The following MAPDA variants were observed in gnomAD, a reference collection of about 807,000 sequenced individuals.
The protein encoded by MAPDA is N6,N6-dimethyl-AMP deaminase.
At chr15:43,343,995 T>A in the MAPDA span, among the ~76,000 whole-genome samples, 1 of 151,966 alleles carries the variant, frequency 6.6e-6, no homozygotes, top group East Asian at 1.9e-4. Context: ...ATTACAATAC[T>A]GTTTCAGTAG....
chr15:43,349,172 G>A, the MAPDA span: 4 of 1,490,270 alleles, frequency 2.7e-6, no homozygotes, highest in East Asian at 2.4e-5. Flanking sequence ...AAAAGATGGA[G>A]TGTGTGCTTT....
the MAPDA span, among the ~76,000 whole-genome samples, chr15:43,336,217 T>A: frequency 1.2e-4 from 18 of 152,204 alleles, no homozygotes; most frequent in African/African-American, 1.9e-4. Flanking sequence ...AATGTTTTTT[T>A]AATTTTTTTA....
chr15:43,341,598 G>A, the MAPDA span, among the ~76,000 whole-genome samples: 1 of 151,982 alleles, frequency 6.6e-6, no homozygotes, highest in Admixed American at 6.5e-5. Flanking sequence ...CAGCGCTTTG[G>A]GAGGCTGAGG....
the MAPDA span, among the ~76,000 whole-genome samples, chr15:43,349,958 G>A: frequency 6.6e-6 from 1 of 152,186 alleles, no homozygotes; most frequent in Non-Finnish European, 1.5e-5. Context: ...CTGTGTTGAG[G>A]CTGCCTTACT....
chr15:43,345,797 A>G, the MAPDA span: 1 of 1,601,260 alleles, frequency 6.2e-7, no homozygotes, highest in Non-Finnish European at 8.6e-7. Context: ...TGTACTCAGA[A>G]TTGTCTTTTT....
chr15:43,337,275 CA>C, the MAPDA span, among the ~76,000 whole-genome samples: 729 of 61,932 alleles, frequency 0.012, 5 homozygotes, highest in African/African-American at 0.033. Context: ...GACTCCGTCT[CA>C]AAAAAAAAAA....
the MAPDA span, chr15:43,353,048 T>C: frequency 0.45 from 68,366 of 151,728 alleles, 19,518 homozygotes; most frequent in African/African-American, 0.81. Context: ...AAAACAGCTT[T>C]TATTACATTT....
the MAPDA span, chr15:43,351,761 AG>A: frequency 6.5e-7 from 1 of 1,547,248 alleles, no homozygotes; most frequent in Non-Finnish European, 8.7e-7. Flanking sequence ...ACTGATGATA[AG>A]GGTGTTTTTG....
the MAPDA span, chr15:43,336,812 A>C: frequency 1.5e-6 from 1 of 646,620 alleles, no homozygotes; most frequent in African/African-American, 1.9e-5. Context: ...TATTATGGCA[A>C]CTCTTCAAAA....
chr15:43,342,850 T>C, the MAPDA span: 9 of 539,596 alleles, frequency 1.7e-5, no homozygotes, highest in Non-Finnish European at 2.9e-5. Flanking sequence ...AATATACCCA[T>C]AAGGGCCATG....
the MAPDA span, among the ~76,000 whole-genome samples, chr15:43,336,995 G>C: frequency 6.6e-6 from 1 of 151,976 alleles, no homozygotes; most frequent in African/African-American, 2.4e-5. Context: ...AGGGCTGGGC[G>C]TGGTGGCTCA....
the MAPDA span, chr15:43,342,858 AT>A: frequency 1.7e-6 from 1 of 579,164 alleles, no homozygotes; most frequent in South Asian, 2.6e-5. Context: ...CATAAGGGCC[AT>A]GTTTTCACTC....
At chr15:43,343,139 G>T in the MAPDA span, 1 of 1,161,580 alleles carries the variant, frequency 8.6e-7, no homozygotes, top group South Asian at 1.6e-5. Context: ...TTACTGTTTT[G>T]ATCATGGGTG....
At chr15:43,338,625 A>G in the MAPDA span, among the ~76,000 whole-genome samples, 2 of 152,214 alleles carry the variant, frequency 1.3e-5, no homozygotes, top group Non-Finnish European at 2.9e-5. Context: ...ATTGTGATGT[A>G]CTTTGTCTGG....
the MAPDA span, chr15:43,330,614 G>T: frequency 8.7e-7 from 1 of 1,154,472 alleles, no homozygotes; most frequent in Non-Finnish European, 1.2e-6. Flanking sequence ...CCCTTCCGCC[G>T]GCACTTGTGC....
At chr15:43,349,138 A>G in the MAPDA span, 6 of 1,573,684 alleles carry the variant, frequency 3.8e-6, no homozygotes, top group East Asian at 1.1e-4. Flanking sequence ...ACTGTTCTAA[A>G]AGTACGAATG....
At chr15:43,335,090 C>A in the MAPDA span, 1 of 1,612,888 alleles carries the variant, frequency 6.2e-7, no homozygotes, top group South Asian at 1.1e-5. Context: ...GGAGAAGAAT[C>A]ATTTTTTTCC....
the MAPDA span, chr15:43,345,847 A>C: frequency 8.1e-6 from 13 of 1,614,078 alleles, no homozygotes; most frequent in Non-Finnish European, 1.1e-5. Flanking sequence ...TCTTTCTTAC[A>C]TTAAAGGTAT....
At chr15:43,340,203 C>T in the MAPDA span, 17 of 1,402,792 alleles carry the variant, frequency 1.2e-5, no homozygotes, top group Non-Finnish European at 1.4e-5. Flanking sequence ...TAGCACTTGG[C>T]ACATTCATTG....
Sources: gnomAD v4.1 joint callset for allele counts (sites outside exome capture counted in the v4.1 genomes callset) on GRCh38, gnomAD v4.1.1 for gene constraint, MANE v1.5 for transcripts, NCBI Gene and HGNC (gene_info 2026-07-23, HGNC 2026-07-21) for gene names.